The following NSL1 variants were observed in gnomAD, a reference collection of about 807,000 sequenced individuals.
The protein encoded by NSL1 is kinetochore-associated protein NSL1 homolog.
Under a neutral mutation model 25.4 loss-of-function variants are expected in NSL1, and 11 were observed. The ratio of observed to expected loss-of-function variants is 0.43; its 90% CI spans 0.27 to 0.72. The LOEUF is 0.72. NSL1 is among the 30% of genes least tolerant of loss of function. The probability of loss-of-function intolerance (pLI) is 0.19; values close to 1 mark genes in which losing one functional copy is unlikely to be tolerated. For missense variants in NSL1, 330 were observed against 342.7 expected (o/e 0.96, Z 0.29); for synonymous variants, 118 against 120.6 (o/e 0.98, Z 0.14).
intron 2 of NSL1, among the ~76,000 whole-genome samples, chr1:212,786,989 C>A (rs1298023018): frequency 2.0e-5 from 3 of 151,722 alleles, no homozygotes; most frequent in African/African-American, 7.3e-5. Context: ...ATGATGAAAC[C>A]CTGTCCTCTA....
intron 2 of NSL1, among the ~76,000 whole-genome samples, chr1:212,787,211 C>T (rs1660984497): frequency 6.6e-6 from 1 of 151,762 alleles, no homozygotes; most frequent in Non-Finnish European, 1.5e-5. Context: ...AAAGATGTAA[C>T]CTCATCCTTT....
chr1:212,766,148 AC>A (rs202088026), intron 4 of NSL1: 14,339 of 437,370 alleles, frequency 0.033, 309 homozygotes, highest in Non-Finnish European at 0.039. Context: ...AAAAAAAAAA[AC>A]AAAAAAACCC....
intron 4 of NSL1, among the ~76,000 whole-genome samples, chr1:212,750,266 G>C (rs1186204829): frequency 6.6e-6 from 1 of 152,090 alleles, no homozygotes; most frequent in East Asian, 1.9e-4. Flanking sequence ...ATCTTCACAG[G>C]TGATGTAAGA....
At chr1:212,746,377 C>G (rs1161348568) in intron 4 of NSL1, among the ~76,000 whole-genome samples, 10 of 151,916 alleles carry the variant, frequency 6.6e-5, no homozygotes, top group Non-Finnish European at 1.5e-4. Flanking sequence ...AAATTGTAAT[C>G]CCCAAGGAAA....
Position 212,736,222 on chromosome 1 carries a change from G to T in NSL1, c.*2186C>A. ...CCTGCTAATTTTTGTATTTTTTGTA[G>T]AAATGGAGTTTCACTATGTTGCCCA... On this transcript the variant is annotated 3_prime_UTR_variant, in exon 6 of 6. Coordinates refer to ENST00000366977, the MANE Select transcript of NSL1 (RefSeq NM_015471.4). 2 of 665,936 alleles carry T rather than the reference G, an allele frequency of 3.0e-6. No individual in the cohort carries two copies. Among genetic ancestry groups the T allele is most frequent in the Non-Finnish European group, 3.7e-6 (2 of 538,308 alleles). 41.3% of individuals were successfully genotyped at this position (665,936 alleles called of 1,614,324 possible).
In NSL1 at chr1:212,736,039, C is replaced by G. The variant is rs916597301; in HGVS notation, c.*2369G>C. 4 of 985,066 alleles carry G rather than the reference C, an allele frequency of 4.1e-6. No homozygotes were observed. In the East Asian group the frequency reaches 3.4e-4, roughly 84 times the overall value. 61.0% of individuals were successfully genotyped at this position (985,066 alleles called of 1,614,324 possible). A position where few individuals can be genotyped will look rare whatever the true frequency, so the allele number is the denominator to read the frequency against. On this transcript the variant is annotated 3_prime_UTR_variant, in exon 6 of 6. Coordinates refer to ENST00000366977, the MANE Select transcript of NSL1 (RefSeq NM_015471.4). ...GGACTAGACTTAACCTTCTTGTGTTCTTCTTATTATTATTTTGAAACAGGG... is the reference window on the plus strand; with the variant it reads ...GGACTAGACTTAACCTTCTTGTGTTGTTCTTATTATTATTTTGAAACAGGG...
Position 212,731,642 on chromosome 1 carries a change from C to G in NSL1, c.*6766G>C. ...GTTCATCCACAGAGTTAATACTTCC[C>G]ACTTCGTCAGCTCTTTATTCTGCTG... On this transcript the variant is annotated 3_prime_UTR_variant, in exon 6 of 6. Coordinates refer to ENST00000366977, the MANE Select transcript of NSL1 (RefSeq NM_015471.4). The G allele has an allele frequency of 2.0e-6, 2 of 985,434 alleles. No homozygotes were observed. The highest frequency in any genetic ancestry group is 2.4e-6 in the Non-Finnish European group (2 of 829,922). 61.0% of individuals were successfully genotyped at this position (985,434 alleles called of 1,614,324 possible).
At chr1:212,763,322 A>G (rs923856229) in intron 4 of NSL1, among the ~76,000 whole-genome samples, 1 of 152,204 alleles carries the variant, frequency 6.6e-6, no homozygotes, top group Admixed American at 6.5e-5. Flanking sequence ...ATGCACCTAT[A>G]TAGAACCTCC....
chr1:212,727,210 T>C lies in NSL1; in HGVS notation c.*11198A>G. Reference sequence around the variant, plus strand: ...GTGTTAAATGGGGGTGAATGGAATTTAGAAGATCTCTTTTTCTGAAAACTA... The same window carrying C: ...GTGTTAAATGGGGGTGAATGGAATTCAGAAGATCTCTTTTTCTGAAAACTA... On this transcript the variant is annotated 3_prime_UTR_variant, in exon 6 of 6. Coordinates refer to ENST00000366977, the MANE Select transcript of NSL1 (RefSeq NM_015471.4). The C allele has an allele frequency of 1.3e-6, 2 of 1,509,338 alleles. No homozygotes were observed. The highest frequency in any genetic ancestry group is 1.8e-6 in the Non-Finnish European group (2 of 1,127,586). The allele number at this position is 1,509,338 out of a possible 1,614,324, so 93.5% of individuals were successfully genotyped here.
intron 4 of NSL1, chr1:212,781,886 CAT>C (rs1660746154): frequency 6.9e-6 from 2 of 289,200 alleles, no homozygotes; most frequent in Admixed American, 4.1e-5. Flanking sequence ...GTATGGGATA[CAT>C]ATAAATGGAA....
intron 4 of NSL1, among the ~76,000 whole-genome samples, chr1:212,771,694 T>A (rs764637482): frequency 2.0e-4 from 30 of 148,596 alleles, no homozygotes; most frequent in Non-Finnish European, 3.6e-4. Flanking sequence ...CAAAAATCAG[T>A]AGTGTTTCTA....
At position 212,730,835 on chromosome 1, in the gene NSL1, C is replaced by G; in HGVS notation, c.*7573G>C. 1 of 985,406 alleles carries G rather than the reference C, an allele frequency of 1.0e-6. No homozygotes were observed. The highest frequency in any genetic ancestry group is 1.2e-6 in the Non-Finnish European group (1 of 829,914). 61.0% of individuals were successfully genotyped at this position (985,406 alleles called of 1,614,324 possible). A position where few individuals can be genotyped will look rare whatever the true frequency, so the allele number is the denominator to read the frequency against. ...CTCAGTTTTTTACCTCTCCCCTCCC[C>G]ACACTCACCTTCTAAGTTCAATTAA... On this transcript the variant is annotated 3_prime_UTR_variant, in exon 6 of 6. Transcript: ENST00000366977.
chr1:212,730,668 ATG>A lies in NSL1; in HGVS notation c.*7738_*7739del, dbSNP rs2102419026. ...GGCAACTATACCTGCTAGCACAGTG[ATG>A]TCACTGAGGGATGTCAATGCCATCC... On this transcript the variant is annotated 3_prime_UTR_variant, in exon 6 of 6. Transcript: ENST00000366977. 4.1e-6 allele frequency: 4 copies of A among 985,380 alleles called. No homozygotes were observed. The highest frequency in any genetic ancestry group is 4.8e-6 in the Non-Finnish European group (4 of 829,908). 61.0% of individuals were successfully genotyped at this position (985,380 alleles called of 1,614,324 possible). A position where few individuals can be genotyped will look rare whatever the true frequency, so the allele number is the denominator to read the frequency against.
intron 4 of NSL1, among the ~76,000 whole-genome samples, chr1:212,745,183 T>C (rs532727507): frequency 4.8e-5 from 1 of 20,908 alleles, no homozygotes. Flanking sequence ...TATATATATA[T>C]ATATATATAT....
intron 4 of NSL1, among the ~76,000 whole-genome samples, chr1:212,745,160 CTATATATATATATATATA>C (rs59293969): frequency 5.9e-5 from 7 of 117,710 alleles, no homozygotes; most frequent in Admixed American, 1.9e-4. Context: ...AACAAACAAA[CTATATATATATATATATA>C]TATATATATA....
rs1464087591 is a variant in NSL1 at position 212,731,139 on chromosome 1, A to G, written c.*7269T>C. On this transcript the variant is annotated 3_prime_UTR_variant, in exon 6 of 6. Transcript: ENST00000366977. ...TCTAGAGAGATATTTTTTTCTTCAG[A>G]GACTTTCATAATATAATCTATTTGC... 1 of 965,456 alleles carries G rather than the reference A, an allele frequency of 1.0e-6. No individual in the cohort carries two copies. Among genetic ancestry groups the G allele is most frequent in the African/African-American group, 1.8e-5 (1 of 55,608 alleles). The allele number at this position is 965,456 out of a possible 1,614,324, so 59.8% of individuals were successfully genotyped here. A position where few individuals can be genotyped will look rare whatever the true frequency, so the allele number is the denominator to read the frequency against.
chr1:212,776,873 T>C (rs1050577965), intron 4 of NSL1, among the ~76,000 whole-genome samples: 4 of 151,856 alleles, frequency 2.6e-5, no homozygotes, highest in African/African-American at 9.7e-5. Flanking sequence ...TGTGTAGCCT[T>C]AAATGAATTT....
chr1:212,771,942 G>A (rs1485361845), intron 4 of NSL1, among the ~76,000 whole-genome samples: 2 of 152,198 alleles, frequency 1.3e-5, no homozygotes, highest in African/African-American at 4.8e-5. Context: ...TTACAGGAGG[G>A]ACCTGGTGGG....
intron 4 of NSL1, chr1:212,763,990 G>A: frequency 2.3e-6 from 1 of 432,724 alleles, no homozygotes; most frequent in Non-Finnish European, 4.6e-6. Context: ...CTCCTCATCA[G>A]CACATGGAAC....
Sources: allele counts gnomAD v4.1 joint callset (sites outside exome capture counted in the v4.1 genomes callset), GRCh38; gene constraint gnomAD v4.1.1; transcripts MANE v1.5; gene names NCBI Gene and HGNC (gene_info 2026-07-23, HGNC 2026-07-21).